Variants in GLIS1 observed in about 807,000 individuals in gnomAD.
GLIS1 encodes zinc finger protein GLIS1.
In GLIS1, 24 loss-of-function variants were observed where a neutral mutation model predicts 63.8. The ratio of observed to expected loss-of-function variants is 0.38; its 90% CI spans 0.27 to 0.53. The LOEUF (loss-of-function observed/expected upper bound fraction) is 0.53, where lower values mean the gene tolerates loss of function less well. Among genes scored for constraint, GLIS1 ranks in the 20% least tolerant of loss-of-function variants. The pLI, the probability that GLIS1 is intolerant of heterozygous loss-of-function variation, is 0.85. For missense variants in GLIS1, 1,036 were observed against 1,074.1 expected (o/e 0.96, Z 0.50); for synonymous variants, 450 against 482.5 (o/e 0.93, Z 0.88).
chr1:53,584,086 G>A (rs1319366676), intron 4 of GLIS1, among the ~76,000 whole-genome samples: 2 of 152,148 alleles, frequency 1.3e-5, no homozygotes, highest in Non-Finnish European at 2.9e-5. Flanking sequence ...CCAGATTTGA[G>A]TGGACTGCCC....
chr1:53,622,838 T>A (rs1645559938), intron 2 of GLIS1, among the ~76,000 whole-genome samples: 1 of 152,258 alleles, frequency 6.6e-6, no homozygotes, highest in South Asian at 2.1e-4. Context: ...TCTGTTGTTT[T>A]AAATTTTCTG....
At chr1:53,702,110 C>T (rs774260819) in intron 2 of GLIS1, among the ~76,000 whole-genome samples, 6 of 152,160 alleles carry the variant, frequency 3.9e-5, no homozygotes, top group Middle Eastern at 3.2e-3. Flanking sequence ...TCCCGTGTCC[C>T]CCCTCCTGCA....
At chr1:53,600,488 G>T (rs1389739843) in intron 2 of GLIS1, among the ~76,000 whole-genome samples, 1 of 152,138 alleles carries the variant, frequency 6.6e-6, no homozygotes, top group Non-Finnish European at 1.5e-5. Context: ...TCCATTCTCA[G>T]ATGGGGATGC....
chr1:53,512,394 T>C (rs1466343602), intron 8 of GLIS1, among the ~76,000 whole-genome samples: 1 of 152,228 alleles, frequency 6.6e-6, no homozygotes, highest in Non-Finnish European at 1.5e-5. Flanking sequence ...TTCGGCGTCT[T>C]CTCTGAGCCA....
intron 4 of GLIS1, among the ~76,000 whole-genome samples, chr1:53,547,417 G>T (rs1029682726): frequency 6.6e-6 from 1 of 152,244 alleles, no homozygotes; most frequent in African/African-American, 2.4e-5. Context: ...CCCTGGTCTG[G>T]CCACCTCCAT....
rs118005229 is a variant in GLIS1 at position 53,682,509 on chromosome 1, C to T, written c.259+55297G>A. 5.0e-4 allele frequency among the ~76,000 whole-genome samples: 76 copies of T among 152,376 alleles called. 1 individual carries two copies. In the East Asian group the frequency reaches 0.013, roughly 26 times the overall value. ...TGTCCCCATAAGGGATGCTGAGGCACAGGCAGATGGCAAGGGCCCTGGCAG... is the reference window on the plus strand; with the variant it reads ...TGTCCCCATAAGGGATGCTGAGGCATAGGCAGATGGCAAGGGCCCTGGCAG... On this transcript the variant is annotated intron_variant, in intron 2 of 10. Transcript: ENST00000628545.
In GLIS1 at chr1:53,548,446, A is replaced by G. The variant is rs369596838; in HGVS notation, c.1321-18494T>C. ...TCACGCATGGACGCCTGCTCCAGCT[A>G]TGCTAATACCCACAACCTCGACTCA... On this transcript the variant is annotated intron_variant, in intron 4 of 10. Transcript: ENST00000628545. Among the ~76,000 whole-genome samples, 14 of 152,316 alleles carry G rather than the reference A, an allele frequency of 9.2e-5. No homozygotes were observed. The South Asian group carries it at 2.9e-3, about 32-fold the overall frequency.
chr1:53,610,112 C>T lies in GLIS1; in HGVS notation c.260-9834G>A, dbSNP rs59533289. On this transcript the variant is annotated intron_variant, in intron 2 of 10. Transcript: ENST00000628545. ...AGAACCTCAGGACTCTAATTCCATT[C>T]ATGTGCCTACACACACACATTCTTT... 6.1e-3 allele frequency among the ~76,000 whole-genome samples: 930 copies of T among 152,362 alleles called. 14 individuals are homozygous for T. The highest frequency in any genetic ancestry group is 0.02 in the African/African-American group (835 of 41,580).
At position 53,739,129 on chromosome 1, in the gene GLIS1, T is replaced by G. The variant is rs1646942408; in HGVS notation, c.-67A>C. 6.7e-6 allele frequency among the ~76,000 whole-genome samples: 1 copy of G among 149,906 alleles called. No homozygotes were observed. Among genetic ancestry groups the G allele is most frequent in the South Asian group, 2.1e-4 (1 of 4,704 alleles). ...CCTCGCAGCGGCAGCTGCAGATCGC[T>G]GGGCGCCCGGCTCGGCGCGCCTCCA... On this transcript the variant is annotated 5_prime_UTR_variant, in exon 1 of 11. Coordinates refer to ENST00000628545, the MANE Select transcript of GLIS1 (RefSeq NM_001367484.1).
At chr1:53,515,277 T>C (rs940982867) in intron 7 of GLIS1, among the ~76,000 whole-genome samples, 4 of 152,032 alleles carry the variant, frequency 2.6e-5, no homozygotes, top group African/African-American at 9.7e-5. Context: ...CGGCAGTGCC[T>C]TCTAACAGGC....
chr1:53,592,284 A>G (rs968218154), intron 4 of GLIS1, among the ~76,000 whole-genome samples: 2 of 152,000 alleles, frequency 1.3e-5, no homozygotes, highest in Admixed American at 6.5e-5. Context: ...TCCAACACAG[A>G]TACTCTTCTG....
intron 2 of GLIS1, among the ~76,000 whole-genome samples, chr1:53,677,195 G>C (rs1009946595): frequency 2.6e-5 from 4 of 152,222 alleles, no homozygotes; most frequent in Admixed American, 6.5e-5. Context: ...AACAGAGTGA[G>C]TGTGTAGATT....
intron 4 of GLIS1, among the ~76,000 whole-genome samples, chr1:53,573,690 T>G (rs965796569): frequency 3.3e-5 from 5 of 152,206 alleles, no homozygotes; most frequent in African/African-American, 4.8e-5. Context: ...AGAGACGTGG[T>G]GTGAGGAGCA....
At chr1:53,685,276 C>T (rs533320659) in intron 2 of GLIS1, among the ~76,000 whole-genome samples, 1 of 152,224 alleles carries the variant, frequency 6.6e-6, no homozygotes, top group Admixed American at 6.5e-5. Context: ...CCACACACCC[C>T]TGCACCTTCA....
chr1:53,521,083 C>T (rs996198592), intron 6 of GLIS1, among the ~76,000 whole-genome samples: 3 of 152,282 alleles, frequency 2.0e-5, no homozygotes, highest in Non-Finnish European at 2.9e-5. Flanking sequence ...AGGGGTCAAG[C>T]GGGAGCCTCC....
In GLIS1 at chr1:53,574,429, C is replaced by A. The variant is rs773146376; in HGVS notation, c.1320+19679G>T. ...AGACAGGCATCATTACTGCCACAAGCAGCAGGGCCTCCCACGCAGTCTCCC... is the reference window on the plus strand; with the variant it reads ...AGACAGGCATCATTACTGCCACAAGAAGCAGGGCCTCCCACGCAGTCTCCC... On this transcript the variant is annotated intron_variant, in intron 4 of 10. Coordinates refer to ENST00000628545, the MANE Select transcript of GLIS1 (RefSeq NM_001367484.1). The surrounding 1 kb of genome is among the most constrained non-coding windows in gnomAD (Gnocchi z 4.2). 6.6e-6 allele frequency among the ~76,000 whole-genome samples: 1 copy of A among 152,224 alleles called. No individual in the cohort carries two copies. Among genetic ancestry groups the A allele is most frequent in the African/African-American group, 2.4e-5 (1 of 41,452 alleles).
At chr1:53,536,010 T>C (rs1185976198) in intron 4 of GLIS1, among the ~76,000 whole-genome samples, 2 of 152,102 alleles carry the variant, frequency 1.3e-5, no homozygotes, top group Non-Finnish European at 2.9e-5. Flanking sequence ...CCCGACCCGA[T>C]GAATCAGGGT....
intron 4 of GLIS1, among the ~76,000 whole-genome samples, chr1:53,554,765 G>A (rs770171529): frequency 1.4e-4 from 22 of 152,206 alleles, no homozygotes; most frequent in Non-Finnish European, 4.4e-5. Flanking sequence ...GGGTCTGACA[G>A]GCTGGGGCAC....
rs982869666 is a variant in GLIS1 at position 53,601,651 on chromosome 1, C to T, written c.260-1373G>A. On this transcript the variant is annotated intron_variant, in intron 2 of 10. Coordinates refer to ENST00000628545, the MANE Select transcript of GLIS1 (RefSeq NM_001367484.1). Reference sequence around the variant, plus strand: ...CATTTTACAGAGGACAAAACAGAGGCGTGGGGAGGTTCAATTACTCACCCA... The same window carrying T: ...CATTTTACAGAGGACAAAACAGAGGTGTGGGGAGGTTCAATTACTCACCCA... 3.3e-5 allele frequency among the ~76,000 whole-genome samples: 5 copies of T among 152,244 alleles called. No individual in the cohort carries two copies. In the South Asian group the frequency reaches 6.2e-4, roughly 19 times the overall value.
Sources: allele counts gnomAD v4.1 joint callset (sites outside exome capture counted in the v4.1 genomes callset), GRCh38; gene constraint gnomAD v4.1.1; non-coding constraint Gnocchi (gnomAD v3.1); transcripts MANE v1.5; gene names NCBI Gene and HGNC (gene_info 2026-07-23, HGNC 2026-07-21).